Variants in LMX1B observed in about 807,000 individuals in gnomAD.
The protein encoded by LMX1B is LIM homeobox transcription factor 1 beta.
A neutral mutation model predicts 51.4 loss-of-function variants in LMX1B; 12 were observed. The observed-to-expected ratio is 0.23, with a 90% confidence interval of 0.15 to 0.38. The LOEUF (loss-of-function observed/expected upper bound fraction) is 0.38, where lower values mean the gene tolerates loss of function less well. Ranked by LOEUF, LMX1B falls within the 10% of genes least tolerant of loss-of-function variation. The pLI is 1.00. For synonymous variants in LMX1B, 237 were observed against 235.4 expected, an observed-to-expected ratio of 1.01 and a Z score of -0.06; for missense variants, 445 against 571.1, an observed-to-expected ratio of 0.78 and a Z score of 2.25.
rs1361515596 is a variant in LMX1B, at chr9:126,641,672, T to C, written c.326+26103T>C. On this transcript the variant is annotated intron_variant, in intron 2 of 7. Transcript: ENST00000373474. The surrounding 1 kb of genome is among the most constrained non-coding windows in gnomAD (Gnocchi z 4.1). ...CCTCCGCTGGAACCCACCACGCTGC[T>C]TGCTGAGCTGCACTGGGGAGGCTCT... Among the ~76,000 whole-genome samples, 1 of 152,154 alleles carries C rather than the reference T, an allele frequency of 6.6e-6. No individual in the cohort carries two copies. Among genetic ancestry groups the C allele is most frequent in the East Asian group, 1.9e-4 (1 of 5,184 alleles).
intron 2 of LMX1B, among the ~76,000 whole-genome samples, chr9:126,645,264 G>A (rs11793373): frequency 0.24 from 36,327 of 151,796 alleles, 4,625 homozygotes; most frequent in Middle Eastern, 0.32. Flanking sequence ...TGGCAGACCC[G>A]TTCACTGGCA....
intron 2 of LMX1B, among the ~76,000 whole-genome samples, chr9:126,623,252 C>T (rs1368507475): frequency 1.3e-5 from 2 of 152,202 alleles, no homozygotes; most frequent in African/African-American, 4.8e-5. Flanking sequence ...GGCTGCTCCT[C>T]GGAGCCAAGG....
chr9:126,628,612 C>T (rs1443254167), intron 2 of LMX1B, among the ~76,000 whole-genome samples: 2 of 152,132 alleles, frequency 1.3e-5, no homozygotes, highest in African/African-American at 2.4e-5. Flanking sequence ...AGATCTGAAG[C>T]GAAATTAATT....
At position 126,618,711 on chromosome 9, in the gene LMX1B, ACT is replaced by A. The variant is rs1279768685; in HGVS notation, c.326+3147_326+3148del. On this transcript the variant is annotated intron_variant, in intron 2 of 7. Coordinates refer to ENST00000373474, the MANE Select transcript of LMX1B (RefSeq NM_001174147.2). This position sits in a 1 kb window ranked among gnomAD's most constrained non-coding sequence, Gnocchi z 4.5. Reference sequence around the variant, plus strand: ...CGGCTTGGCCGAATAGAATTATGTAACTCTCTTTTCTTGCCGTCTGTCGCTCG... The same window carrying A: ...CGGCTTGGCCGAATAGAATTATGTAACTCTTTTCTTGCCGTCTGTCGCTCG... Among the ~76,000 whole-genome samples the A allele has an allele frequency of 2.6e-5, 4 of 151,812 alleles. No homozygotes were observed. The highest frequency in any genetic ancestry group is 7.3e-5 in the African/African-American group (3 of 41,356).
intron 2 of LMX1B, among the ~76,000 whole-genome samples, chr9:126,629,006 A>G (rs1176922520): frequency 1.4e-5 from 2 of 145,676 alleles, no homozygotes; most frequent in Admixed American, 1.4e-4. Context: ...AAAAAAAAAA[A>G]GCAGGGGTTC....
intron 2 of LMX1B, among the ~76,000 whole-genome samples, chr9:126,680,748 A>T (rs188218290): frequency 6.6e-6 from 1 of 152,230 alleles, no homozygotes; most frequent in East Asian, 1.9e-4. Context: ...TATTGAATTC[A>T]CTAGTGAAGG....
intron 2 of LMX1B, among the ~76,000 whole-genome samples, chr9:126,651,942 G>C (rs1836017770): frequency 6.6e-6 from 1 of 152,080 alleles, no homozygotes; most frequent in East Asian, 1.9e-4. Context: ...TACCAGCCAG[G>C]GCCATCGAGA....
At chr9:126,628,147 G>A (rs1268058149) in intron 2 of LMX1B, among the ~76,000 whole-genome samples, 1 of 152,218 alleles carries the variant, frequency 6.6e-6, no homozygotes, top group Non-Finnish European at 1.5e-5. Context: ...TCTTGTCTCT[G>A]ACTCCCGCAT....
chr9:126,657,962 A>T (rs7853443), intron 2 of LMX1B, among the ~76,000 whole-genome samples: 145 of 152,014 alleles, frequency 9.5e-4, no homozygotes, highest in Middle Eastern at 3.4e-3. Flanking sequence ...AGCACAGTCC[A>T]GGGTGGGCTA....
intron 2 of LMX1B, among the ~76,000 whole-genome samples, chr9:126,644,308 T>C (rs183334970): frequency 3.0e-4 from 45 of 152,232 alleles, no homozygotes; most frequent in African/African-American, 9.9e-4. Flanking sequence ...AACCTGTTTG[T>C]TGGGTGAGCT....
chr9:126,674,249 AGT>A (rs1177044270), intron 2 of LMX1B, among the ~76,000 whole-genome samples: 1 of 152,086 alleles, frequency 6.6e-6, no homozygotes, highest in East Asian at 1.9e-4. Flanking sequence ...TCTCTGAGTG[AGT>A]GTCTGGAGCC....
intron 2 of LMX1B, among the ~76,000 whole-genome samples, chr9:126,662,159 A>G (rs1391634654): frequency 1.3e-5 from 2 of 152,110 alleles, no homozygotes; most frequent in Admixed American, 6.5e-5. Flanking sequence ...GTGTGTCCTT[A>G]TGCAAGTGTC....
At chr9:126,640,736 G>A (rs1300762318) in intron 2 of LMX1B, 3 of 152,320 alleles carry the variant, frequency 2.0e-5, no homozygotes, top group Non-Finnish European at 2.9e-5. Flanking sequence ...TTTCAGGCTG[G>A]ACTGAGGGCA....
chr9:126,656,099 TGA>T (rs950631113), intron 2 of LMX1B, among the ~76,000 whole-genome samples: 1 of 152,236 alleles, frequency 6.6e-6, no homozygotes, highest in Admixed American at 6.5e-5. Context: ...AAAAATGGGA[TGA>T]GAGAGAGAAT....
intron 2 of LMX1B, among the ~76,000 whole-genome samples, chr9:126,651,904 T>C (rs961681774): frequency 5.9e-5 from 9 of 151,676 alleles, no homozygotes; most frequent in African/African-American, 2.2e-4. Flanking sequence ...AGGTGGAGGA[T>C]CCCACAATCT....
chr9:126,695,187 C>T lies in LMX1B; in HGVS notation c.887-652C>T, dbSNP rs954783214. Reference sequence around the variant, plus strand: ...ACCCACTGGCCCCAGCCTCGGTCTCCTCCTCCAGCCTTTCTCACCCTCGTC... The same window carrying T: ...ACCCACTGGCCCCAGCCTCGGTCTCTTCCTCCAGCCTTTCTCACCCTCGTC... On this transcript the variant is annotated intron_variant, in intron 6 of 7. Transcript: ENST00000373474. This position sits in a 1 kb window ranked among gnomAD's most constrained non-coding sequence, Gnocchi z 5.2. 6.6e-6 allele frequency among the ~76,000 whole-genome samples: 1 copy of T among 152,160 alleles called. No individual in the cohort carries two copies. Among genetic ancestry groups the T allele is most frequent in the Non-Finnish European group, 1.5e-5 (1 of 68,016 alleles).
At chr9:126,678,304 C>T (rs1212750464) in intron 2 of LMX1B, among the ~76,000 whole-genome samples, 17 of 141,510 alleles carry the variant, frequency 1.2e-4, no homozygotes, top group African/African-American at 4.1e-4. Context: ...AGCGAGACTT[C>T]GTCTCAAAAA....
chr9:126,620,147 T>C (rs1835380093), intron 2 of LMX1B, among the ~76,000 whole-genome samples: 1 of 152,104 alleles, frequency 6.6e-6, no homozygotes, highest in Non-Finnish European at 1.5e-5. Flanking sequence ...TCTACCCAGG[T>C]TCCATGGTAC....
chr9:126,633,285 T>C (rs12378303), intron 2 of LMX1B, among the ~76,000 whole-genome samples: 127,562 of 152,222 alleles, frequency 0.84, 54,119 homozygotes, highest in Non-Finnish European at 0.92. Flanking sequence ...AGATGGCCCC[T>C]GGGGGAAGCC....
Sources: allele counts gnomAD v4.1 joint callset (sites outside exome capture counted in the v4.1 genomes callset), GRCh38; gene constraint gnomAD v4.1.1; non-coding constraint Gnocchi (gnomAD v3.1); transcripts MANE v1.5; gene names NCBI Gene and HGNC (gene_info 2026-07-23, HGNC 2026-07-21).